The following CLEC2D variants were observed in gnomAD, a reference collection of about 807,000 sequenced individuals.
The protein encoded by CLEC2D is C-type lectin related f.
CLEC2D carries 16 observed loss-of-function variants against 20.0 expected under a neutral mutation model. The observed-to-expected ratio is 0.80, with a 90% CI of 0.54 to 1.22. The LOEUF (loss-of-function observed/expected upper bound fraction) is 1.22, where lower values mean the gene tolerates loss of function less well. Ranked by LOEUF, CLEC2D falls within the 50% of genes most tolerant of loss-of-function variation. CLEC2D has a pLI of 0.00. For missense variants in CLEC2D, 207 were observed against 221.5 expected, an observed-to-expected ratio of 0.93 and a Z score of 0.42; for synonymous variants, 77 against 71.1, an observed-to-expected ratio of 1.08 and a Z score of -0.42.
intron 2 of CLEC2D, among the ~76,000 whole-genome samples, chr12:9,683,324 TTTTTGTGTTTG>T (rs145662891): frequency 0.25 from 8,638 of 34,918 alleles, 622 homozygotes; most frequent in Middle Eastern, 0.34. Context: ...GATAGTTTGT[TTTTTGTGTTTG>T]TTTTTTTTTT....
chr12:9,687,477 C>T (rs1405008019), intron 2 of CLEC2D, among the ~76,000 whole-genome samples: 4 of 152,222 alleles, frequency 2.6e-5, no homozygotes, highest in Non-Finnish European at 4.4e-5. Flanking sequence ...CAGCCTGCTT[C>T]CTGACTCATC....
At chr12:9,677,418 A>T (rs1367108191) in intron 1 of CLEC2D, among the ~76,000 whole-genome samples, 2 of 152,102 alleles carry the variant, frequency 1.3e-5, no homozygotes, top group African/African-American at 4.8e-5. Flanking sequence ...TGTGGAGATT[A>T]GTGGGATTTT....
intron 3 of CLEC2D, among the ~76,000 whole-genome samples, chr12:9,692,509 C>T (rs754705120): frequency 1.9e-4 from 29 of 152,088 alleles, no homozygotes; most frequent in South Asian, 4.1e-4. Flanking sequence ...CCAAGAATGT[C>T]ATAGTAGCAT....
chr12:9,697,517 T>G lies in CLEC2D; in HGVS notation c.*2643T>G, dbSNP rs1866025514. 1 of 149,368 alleles carries G rather than the reference T, an allele frequency of 6.7e-6. No individual in the cohort carries two copies. The allele number at this position is 149,368 out of a possible 1,614,324, so 9.3% of individuals were successfully genotyped here. A position where few individuals can be genotyped will look rare whatever the true frequency, so the allele number is the denominator to read the frequency against. ...CTCTGAAGGCTGTGAGACCCCTGAT[T>G]TCCCACTTCACACCTCTATATTTCT... On this transcript the variant is annotated 3_prime_UTR_variant, in exon 5 of 5. Transcript: ENST00000290855.
At chr12:9,674,864 A>T (rs1865490757) in intron 1 of CLEC2D, among the ~76,000 whole-genome samples, 1 of 152,148 alleles carries the variant, frequency 6.6e-6, no homozygotes, top group South Asian at 2.1e-4. Context: ...CTTTGGTATT[A>T]TATTTAAAAA....
intron 1 of CLEC2D, among the ~76,000 whole-genome samples, chr12:9,677,978 C>T (rs1327319032): frequency 1.3e-5 from 2 of 152,014 alleles, no homozygotes; most frequent in African/African-American, 4.8e-5. Flanking sequence ...CCTTTTGGGC[C>T]TCCCAAAGTG....
At chr12:9,685,877 T>G (rs1214838126) in intron 2 of CLEC2D, among the ~76,000 whole-genome samples, 1 of 152,116 alleles carries the variant, frequency 6.6e-6, no homozygotes, top group Non-Finnish European at 1.5e-5. Context: ...TCTGTCTCAG[T>G]GGGTTCCAGG....
chr12:9,671,063 G>A (rs1203925438), intron 1 of CLEC2D, among the ~76,000 whole-genome samples: 1 of 152,036 alleles, frequency 6.6e-6, no homozygotes, highest in Non-Finnish European at 1.5e-5. Context: ...CTAGAAATGC[G>A]GGCCTCCTTT....
chr12:9,687,962 G>C lies in CLEC2D; in HGVS notation c.233G>C (p.Ser78Thr). Reference protein sequence around the residue: ...SVCLQAACPESWIGFQRKCFY... With the variant: ...SVCLQAACPETWIGFQRKCFY... Reference sequence around the variant, plus strand: ...TGTCTTCAAGCTGCATGCCCAGAAAGCTGGATTGGTTTTCAAAGAAAGTGT... The same window carrying C: ...TGTCTTCAAGCTGCATGCCCAGAAACCTGGATTGGTTTTCAAAGAAAGTGT... The change falls in exon 3 of 5, where the codon AGC becomes ACC. Residue 78 changes from serine to threonine, a missense_variant. Ser to Thr is a moderately conservative substitution (Grantham distance 58). Coordinates refer to ENST00000290855, the MANE Select transcript of CLEC2D (RefSeq NM_013269.6). 6.2e-7 allele frequency: 1 copy of C among 1,612,238 alleles called. No individual in the cohort carries two copies. Among genetic ancestry groups the C allele is most frequent in the Non-Finnish European group, 8.5e-7 (1 of 1,179,096 alleles).
At chr12:9,693,742 T>C in intron 4 of CLEC2D, 1 of 410,670 alleles carries the variant, frequency 2.4e-6, no homozygotes, top group Non-Finnish European at 4.8e-6. Flanking sequence ...AATTAACTTT[T>C]ATTTCTTATT....
At position 9,694,930 on chromosome 12, in the gene CLEC2D, AT is replaced by A; in HGVS notation, c.*60del. 2 of 894,796 alleles carry A rather than the reference AT, an allele frequency of 2.2e-6. No homozygotes were observed. The highest frequency in any genetic ancestry group is 3.7e-6 in the Non-Finnish European group (2 of 537,802). 55.4% of individuals were successfully genotyped at this position (894,796 alleles called of 1,614,324 possible). ...GAAGCATATTGGAACTGATAACTCC[AT>A]TTTAAAATGAGCAAAGAATTTATTT... On this transcript the variant is annotated 3_prime_UTR_variant, in exon 5 of 5. Transcript: ENST00000290855.
chr12:9,695,690 A>G lies in CLEC2D; in HGVS notation c.*816A>G. ...ACACCACCAGTGGACTTAAGGTTGAAGTGTGGTTCAGGGCCAGTGCATATT... is the reference window on the plus strand; with the variant it reads ...ACACCACCAGTGGACTTAAGGTTGAGGTGTGGTTCAGGGCCAGTGCATATT... On this transcript the variant is annotated 3_prime_UTR_variant, in exon 5 of 5. Coordinates refer to ENST00000290855, the MANE Select transcript of CLEC2D (RefSeq NM_013269.6). 1 of 1,571,772 alleles carries G rather than the reference A, an allele frequency of 6.4e-7. No individual in the cohort carries two copies. Among genetic ancestry groups the G allele is most frequent in the Non-Finnish European group, 8.7e-7 (1 of 1,151,840 alleles).
At chr12:9,674,491 G>A (rs1447045491) in intron 1 of CLEC2D, among the ~76,000 whole-genome samples, 3 of 152,298 alleles carry the variant, frequency 2.0e-5, no homozygotes, top group South Asian at 2.1e-4. Flanking sequence ...CCTGCCTTCC[G>A]CATTCATCTC....
chr12:9,684,455 T>C (rs1865710846), intron 2 of CLEC2D, among the ~76,000 whole-genome samples: 2 of 152,228 alleles, frequency 1.3e-5, no homozygotes, highest in African/African-American at 2.4e-5. Flanking sequence ...CCTTGCCTTG[T>C]GCCAGTTTAC....
intron 1 of CLEC2D, among the ~76,000 whole-genome samples, chr12:9,671,527 A>G (rs2120883071): frequency 6.6e-6 from 1 of 152,334 alleles, no homozygotes; most frequent in East Asian, 1.9e-4. Flanking sequence ...GCCGAGGATT[A>G]ACCTTTCTCA....
rs908326801 is a variant in CLEC2D at position 9,698,016 on chromosome 12, A to T, written c.*3142A>T. ...AAACATCACATTATACACATCAAAT[A>T]TATACAATAAAAAAGCACATTGGGA... On this transcript the variant is annotated 3_prime_UTR_variant, in exon 5 of 5. Transcript: ENST00000290855. 1.3e-5 allele frequency: 2 copies of T among 152,194 alleles called. No homozygotes were observed. Among genetic ancestry groups the T allele is most frequent in the African/African-American group, 4.8e-5 (2 of 41,454 alleles). 9.4% of individuals were successfully genotyped at this position (152,194 alleles called of 1,614,324 possible). A position where few individuals can be genotyped will look rare whatever the true frequency, so the allele number is the denominator to read the frequency against.
At chr12:9,689,106 G>A (rs925431814) in intron 3 of CLEC2D, among the ~76,000 whole-genome samples, 2 of 152,184 alleles carry the variant, frequency 1.3e-5, no homozygotes, top group African/African-American at 4.8e-5. Context: ...TTTGAATGCT[G>A]AGGGGCAGAC....
chr12:9,672,339 G>A (rs2120886842), intron 1 of CLEC2D, among the ~76,000 whole-genome samples: 1 of 152,228 alleles, frequency 6.6e-6, no homozygotes, highest in East Asian at 1.9e-4. Flanking sequence ...CATGAACTTT[G>A]GAGACACATT....
At chr12:9,674,487 T>C (rs1865484620) in intron 1 of CLEC2D, among the ~76,000 whole-genome samples, 1 of 152,214 alleles carries the variant, frequency 6.6e-6, no homozygotes, top group South Asian at 2.1e-4. Context: ...TTCACCTGCC[T>C]TCCGCATTCA....
Sources: gnomAD v4.1 joint callset for allele counts (sites outside exome capture counted in the v4.1 genomes callset) on GRCh38, gnomAD v4.1.1 for gene constraint, MANE v1.5 for transcripts, NCBI Gene and HGNC (gene_info 2026-07-23, HGNC 2026-07-21) for gene names.